Variants in TNS3 observed in about 807,000 individuals in gnomAD.
The protein encoded by TNS3 is tensin 3, also known as tensin-3.
Under a neutral mutation model 140.9 loss-of-function variants are expected in TNS3, and 45 were observed. That is an observed-to-expected ratio of 0.32 (90% CI 0.25 to 0.41). The LOEUF (loss-of-function observed/expected upper bound fraction) is 0.41. Among genes scored for constraint, TNS3 ranks in the 10% least tolerant of loss-of-function variants. The pLI is 1.00. For synonymous variants in TNS3, 815 were observed against 788.4 expected (o/e 1.03, Z -0.56); for missense variants, 1,716 against 1,906.7 (o/e 0.90, Z 1.86).
At chr7:47,507,092 A>T in intron 2 of TNS3, 148 bp from the exon 3 acceptor site, 2 of 518,268 alleles carry the variant, frequency 3.9e-6, no homozygotes, top group Middle Eastern at 3.4e-4. Context: ...ATTTTTACAT[A>T]TGACACACGG....
At chr7:47,414,098 T>A in intron 11 of TNS3, 101 bp from the exon 12 acceptor site, 1 of 1,254,868 alleles carries the variant, frequency 8.0e-7, no homozygotes, top group Non-Finnish European at 1.2e-6. Flanking sequence ...ACCAGGAGAC[T>A]GCACCTGCGG....
intron 15 of TNS3, among the ~76,000 whole-genome samples, chr7:47,397,550 A>C (rs1055391575): frequency 2.0e-5 from 3 of 152,212 alleles, no homozygotes; most frequent in Non-Finnish European, 2.9e-5. Flanking sequence ...GCAGCCTACT[A>C]TACTTCTAAT....
chr7:47,556,387 G>A (rs751917813), intron 1 of TNS3, among the ~76,000 whole-genome samples: 1 of 152,158 alleles, frequency 6.6e-6, no homozygotes, highest in Non-Finnish European at 1.5e-5. Context: ...CCCCTGAGCA[G>A]GGGTCTCTCC....
intron 16 of TNS3, among the ~76,000 whole-genome samples, chr7:47,376,996 GC>G (rs1351320089): frequency 6.6e-6 from 1 of 152,160 alleles, no homozygotes; most frequent in East Asian, 1.9e-4. Context: ...GGTACCAGCA[GC>G]CCCATCGGGG....
intron 2 of TNS3, among the ~76,000 whole-genome samples, chr7:47,517,210 G>A (rs73695374): frequency 0.02 from 3,022 of 152,240 alleles, 122 homozygotes; most frequent in African/African-American, 0.07. Context: ...CTGAAGACAA[G>A]AACGCCCAAC....
intron 9 of TNS3, among the ~76,000 whole-genome samples, chr7:47,425,248 C>A (rs866567023): frequency 6.6e-6 from 1 of 152,054 alleles, no homozygotes; most frequent in Non-Finnish European, 1.5e-5. Context: ...ACCCGGGAGG[C>A]AGAGGTTGTA....
intron 13 of TNS3, among the ~76,000 whole-genome samples, chr7:47,404,003 C>T (rs753298021): frequency 6.6e-5 from 10 of 152,226 alleles, no homozygotes; most frequent in Non-Finnish European, 1.2e-4. Context: ...TTCATCCCTC[C>T]GGCTTTAACT....
chr7:47,344,217 G>A (rs1489476082), intron 20 of TNS3, among the ~76,000 whole-genome samples: 7 of 152,008 alleles, frequency 4.6e-5, no homozygotes, highest in Non-Finnish European at 1.0e-4. Flanking sequence ...CCTAAACACC[G>A]CCCACTAACA....
Position 47,276,112 on chromosome 7 carries a change from C to T in TNS3, c.*1964G>A. ...GGATGAAAAACCGAGATGCTAGAGG[C>T]CTCTGCTAAAGACATCAGGGTCAAC... is the stretch of plus-strand genomic sequence containing the variant. On this transcript the variant is annotated 3_prime_UTR_variant, in exon 31 of 31. Transcript: ENST00000311160. 1 of 271,204 alleles carries T rather than the reference C, an allele frequency of 3.7e-6. No homozygotes were observed. Among genetic ancestry groups the T allele is most frequent in the South Asian group, 3.8e-5 (1 of 26,252 alleles). 16.8% of individuals were successfully genotyped at this position (271,204 alleles called of 1,614,324 possible). A position where few individuals can be genotyped will look rare whatever the true frequency, so the allele number is the denominator to read the frequency against.
chr7:47,555,753 T>C (rs1193220542), intron 1 of TNS3, among the ~76,000 whole-genome samples: 1 of 152,268 alleles, frequency 6.6e-6, no homozygotes, highest in Non-Finnish European at 1.5e-5. Context: ...CATTTTTAAA[T>C]TGACATGTAC....
Position 47,396,878 on chromosome 7 carries a change from C to T in TNS3, c.946G>A (p.Gly316Ser), listed in dbSNP as rs202108675. ...QGSEHLYNDH[G>S]VIVDYNTTDP... is the part of the protein sequence containing the mutation. ...GTTGTGTTGTAGTCCACAATCACAC[C>T]GTGGTCGTTGTACAAGTGTTCGGAC... Residue 316 changes from glycine (G) to serine (S), a missense_variant, in exon 16 of 31, where the codon GGT (glycine) becomes AGT (serine). Transcript: ENST00000311160. 3.0e-4 allele frequency: 486 copies of T among 1,614,110 alleles called. No homozygotes were observed. The highest frequency in any genetic ancestry group is 3.7e-4 in the Non-Finnish European group (436 of 1,179,984).
intron 20 of TNS3, among the ~76,000 whole-genome samples, chr7:47,310,313 T>C (rs929934753): frequency 6.6e-6 from 1 of 152,102 alleles, no homozygotes. Context: ...TAGTGGATGC[T>C]AAGTAACCAA....
chr7:47,408,739 C>T (rs373419251), intron 13 of TNS3, among the ~76,000 whole-genome samples: 1 of 152,188 alleles, frequency 6.6e-6, no homozygotes, highest in Non-Finnish European at 1.5e-5. Flanking sequence ...TCCAAGACAA[C>T]GACTTTCCTT....
chr7:47,535,442 C>A (rs771114135), intron 1 of TNS3, among the ~76,000 whole-genome samples: 1 of 152,234 alleles, frequency 6.6e-6, no homozygotes, highest in Admixed American at 6.5e-5. Flanking sequence ...CATCTGCTCA[C>A]GCTTCATCTG....
intron 5 of TNS3, among the ~76,000 whole-genome samples, chr7:47,439,975 G>A (rs1387135351): frequency 5.3e-5 from 8 of 152,150 alleles, no homozygotes; most frequent in Non-Finnish European, 5.9e-5. Context: ...GCACGAAGGC[G>A]GGAAGGACTC....
chr7:47,394,136 T>C (rs2462635), intron 16 of TNS3, among the ~76,000 whole-genome samples: 27,305 of 152,276 alleles, frequency 0.18, 3,284 homozygotes, highest in Non-Finnish European at 0.27. Flanking sequence ...TATTTAAAGT[T>C]CAAATTGCTT....
chr7:47,364,277 ATTTTTTTTTTT>A (rs10566032), intron 17 of TNS3, among the ~76,000 whole-genome samples: 1 of 110,642 alleles, frequency 9.0e-6, no homozygotes, highest in Non-Finnish European at 1.8e-5. Flanking sequence ...GTAAGCAATA[ATTTTTTTTTTT>A]TTTTTTTTTT....
At chr7:47,455,135 G>A (rs1446733916) in intron 4 of TNS3, among the ~76,000 whole-genome samples, 1 of 152,152 alleles carries the variant, frequency 6.6e-6, no homozygotes, top group African/African-American at 2.4e-5. Context: ...GGTGCTGACG[G>A]GGGCAAGACC....
chr7:47,547,833 A>T (rs1379229762), intron 1 of TNS3, among the ~76,000 whole-genome samples: 1 of 152,220 alleles, frequency 6.6e-6, no homozygotes, highest in Non-Finnish European at 1.5e-5. Context: ...GCTCATGTGC[A>T]TCGCTGCCAG....
Sources: gnomAD v4.1 joint callset for allele counts (sites outside exome capture counted in the v4.1 genomes callset) on GRCh38, gnomAD v4.1.1 for gene constraint, MANE v1.5 for transcripts, NCBI Gene and HGNC (gene_info 2026-07-23, HGNC 2026-07-21) for gene names.